Variants in ERBB2 observed in about 807,000 individuals in gnomAD.
The protein encoded by ERBB2 is erb-b2 receptor tyrosine kinase 2, also known as receptor tyrosine-protein kinase erbB-2.
In ERBB2, 61 loss-of-function variants were observed where a neutral mutation model predicts 149.0. That is an observed-to-expected ratio of 0.41 (90% confidence interval 0.33 to 0.51). The LOEUF (loss-of-function observed/expected upper bound fraction) is 0.51. Ranked by LOEUF, ERBB2 falls within the 20% of genes least tolerant of loss-of-function variation. The pLI, the probability that ERBB2 is intolerant of heterozygous loss-of-function variation, is 0.25. For synonymous variants in ERBB2, 633 were observed against 678.8 expected, an observed-to-expected ratio of 0.93 and a Z score of 1.05; for missense variants, 1,205 against 1,655.1, an observed-to-expected ratio of 0.73 and a Z score of 4.72.
At chr17:39,699,914 G>T, upstream of ERBB2, 1 of 917,944 alleles carries the variant, frequency 1.1e-6, no homozygotes, top group Non-Finnish European at 1.4e-6. Flanking sequence ...GGGAGAAAGT[G>T]AAGCTGGGAG....
Position 39,716,618 on chromosome 17 carries a change from C to T in ERBB2, c.1737+13C>T, listed in dbSNP as rs376633835. On this transcript the variant is annotated intron_variant, in intron 14 of 26. Transcript: ENST00000269571. The stretch of plus-strand genomic sequence containing the variant: ...CTGTTTTGGACCGGTGAGCTGCTGG[C>T]GGGCTCAGAGCTGGGTGGAGGGGGG... 13 of 1,612,446 alleles carry T rather than the reference C, an allele frequency of 8.1e-6. No individual in the cohort carries two copies. The African/African-American group carries it at 1.1e-4, about 13-fold the overall frequency.
rs769775277 is a variant in ERBB2 at position 39,708,456 on chromosome 17, G to A, written c.361G>A (p.Asp121Asn). The A allele has an allele frequency of 6.2e-7, 1 of 1,614,172 alleles. No homozygotes were observed. Among genetic ancestry groups the A allele is most frequent in the South Asian group, 1.1e-5 (1 of 91,078 alleles). Residue 121 changes from aspartate to asparagine, a missense_variant, in exon 3 of 27, where the codon GAC (aspartate) becomes AAC (asparagine). Asp to Asn is a conservative substitution (Grantham distance 23, BLOSUM62 1). Around this residue, in one of 6 missense-constraint regions of ERBB2, gnomAD observed 569 missense variants for 803.5 expected, o/e 0.71. Coordinates refer to ENST00000269571, the MANE Select transcript of ERBB2 (RefSeq NM_004448.4). Reference sequence around the variant, plus strand: ...TGCCCTGGCCGTGCTAGACAATGGAGACCCGCTGAACAATACCACCCCTGT... The same window carrying A: ...TGCCCTGGCCGTGCTAGACAATGGAAACCCGCTGAACAATACCACCCCTGT... ...NYALAVLDNG[D>N]PLNNTTPVTG...
chr17:39,723,316 C>T lies in ERBB2; in HGVS notation c.1947-3C>T. The T allele has an allele frequency of 1.9e-6, 3 of 1,613,948 alleles. No homozygotes were observed. The highest frequency in any genetic ancestry group is 1.7e-6 in the Non-Finnish European group (2 of 1,179,864). On this transcript the variant is annotated splice_polypyrimidine_tract_variant and splice_region_variant and intron_variant, in intron 16 of 26. Transcript: ENST00000269571. The surrounding 1 kb of genome is among the most constrained non-coding windows in gnomAD (Gnocchi z 6.2). Reference sequence around the variant, plus strand: ...AATCCCTGACCCTGGCTTCCGCCCCCAGCCCTCTGACGTCCATCATCTCTG... The same window carrying T: ...AATCCCTGACCCTGGCTTCCGCCCCTAGCCCTCTGACGTCCATCATCTCTG...
rs1455820265 is a variant in ERBB2 at position 39,726,852 on chromosome 17, C to G, written c.3008C>G (p.Thr1003Ser). 15 of 1,613,432 alleles carry G rather than the reference C, an allele frequency of 9.3e-6. No individual in the cohort carries two copies. The highest frequency in any genetic ancestry group is 1.2e-5 in the Non-Finnish European group (14 of 1,179,602). ...GGCCCAGCCAGTCCCTTGGACAGCACCTTCTACCGCTCACTGCTGGAGGAC... is the reference window on the plus strand; with the variant it reads ...GGCCCAGCCAGTCCCTTGGACAGCAGCTTCTACCGCTCACTGCTGGAGGAC... ...DLGPASPLDS[T>S]FYRSLLEDDD... The change falls in exon 25 of 27, where the codon ACC (threonine) becomes AGC (serine). Residue 1003 changes from threonine (T) to serine (S), a missense_variant. Coordinates refer to ENST00000269571, the MANE Select transcript of ERBB2 (RefSeq NM_004448.4). The surrounding 1 kb of genome is among the most constrained non-coding windows in gnomAD (Gnocchi z 5.1).
intron 19 of ERBB2, among the ~76,000 whole-genome samples, chr17:39,724,272 A>ATTTTTTTTTTTTTTTTTTTTTGTTTT (rs71149796): frequency 1.3e-5 from 1 of 77,016 alleles, no homozygotes; most frequent in Non-Finnish European, 2.7e-5. Context: ...GCGCCCGCTA[A>ATTTTTTTTTTTTTTTTTTTTTGTTTT]TTTTTTTTTT....
rs2145682231 is a variant in ERBB2, at chr17:39,716,451, G to A, written c.1646+18G>A. 1 of 1,612,874 alleles carries A rather than the reference G, an allele frequency of 6.2e-7. No individual in the cohort carries two copies. The highest frequency in any genetic ancestry group is 8.5e-7 in the Non-Finnish European group (1 of 1,179,056). On this transcript the variant is annotated intron_variant, in intron 13 of 26. Transcript: ENST00000269571. Reference sequence around the variant, plus strand: ...CTGCAGGGGTATGAGGGGCGGAGGAGAGGGTGGCTGGAGGGGTGCATGGGG... The same window carrying A: ...CTGCAGGGGTATGAGGGGCGGAGGAAAGGGTGGCTGGAGGGGTGCATGGGG...
At chr17:39,694,306 T>TATAG (rs2057808997), upstream of ERBB2, among the ~76,000 whole-genome samples, 2 of 119,976 alleles carry the variant, frequency 1.7e-5, 1 homozygote, top group Non-Finnish European at 3.5e-5. Context: ...TATATGTGTA[T>TATAG]ATATATATAC....
At chr17:39,712,213 C>T (rs772617943) in intron 8 of ERBB2, 109 bp from the exon 9 acceptor site, 1 of 1,530,630 alleles carries the variant, frequency 6.5e-7, no homozygotes, top group Non-Finnish European at 9.0e-7. Context: ...GTCCCTATAT[C>T]CCCTGTCAGT....
chr17:39,711,819 AT>A, intron 7 of ERBB2, 108 bp from the exon 8 acceptor site: 1 of 1,323,406 alleles, frequency 7.6e-7, no homozygotes, highest in South Asian at 1.3e-5. Flanking sequence ...GTGGTAGGGC[AT>A]TTAAGTATTG....
At chr17:39,693,624 G>A (rs1251628995), upstream of ERBB2, among the ~76,000 whole-genome samples, 1 of 151,944 alleles carries the variant, frequency 6.6e-6, no homozygotes, top group Non-Finnish European at 1.5e-5. Flanking sequence ...CAGGCATGGT[G>A]GTGCGCTTCT....
In ERBB2 at chr17:39,717,650, C is replaced by A. The variant is rs183731125; in HGVS notation, c.1898+170C>A. On this transcript the variant is annotated intron_variant, in intron 15 of 26. Transcript: ENST00000269571. Reference sequence around the variant, plus strand: ...TTAAAACATGAAATATAAATTAATGCCCTAGCAGTTCTATCCCCACTGTTA... The same window carrying A: ...TTAAAACATGAAATATAAATTAATGACCTAGCAGTTCTATCCCCACTGTTA... The A allele has an allele frequency of 1.2e-5, 7 of 571,102 alleles. No homozygotes were observed. The African/African-American group carries it at 1.3e-4, about 11-fold the overall frequency. The allele number at this position is 571,102 out of a possible 1,614,324, so 35.4% of individuals were successfully genotyped here. A position where few individuals can be genotyped will look rare whatever the true frequency, so the allele number is the denominator to read the frequency against.
intron 2 of ERBB2, 149 bp downstream of exon 2, chr17:39,707,290 C>T: frequency 1.6e-6 from 1 of 643,458 alleles, no homozygotes; most frequent in East Asian, 3.4e-5. Flanking sequence ...AACATCTAAC[C>T]CCCATTCATT....
chr17:39,718,253 T>G (rs1357409385), intron 15 of ERBB2, among the ~76,000 whole-genome samples: 3 of 152,244 alleles, frequency 2.0e-5, no homozygotes, highest in Non-Finnish European at 4.4e-5. Flanking sequence ...TCTTATTTAG[T>G]TGTCTTTACA....
chr17:39,717,457 T>C lies in ERBB2; in HGVS notation c.1875T>C (p.Pro625=), dbSNP rs765900638. Residue 625 remains proline (P), a synonymous_variant, in exon 15 of 27, where the codon CCT becomes CCC. Transcript: ENST00000269571. The part of the protein sequence containing the change: ...KFPDEEGACQ[P]CPINCTHSCV... Reference sequence around the variant, plus strand: ...CAGATGAGGAGGGCGCATGCCAGCCTTGCCCCATCAACTGCACCCACTCGT... The same window carrying C: ...CAGATGAGGAGGGCGCATGCCAGCCCTGCCCCATCAACTGCACCCACTCGT... 16 of 1,613,088 alleles carry C rather than the reference T, an allele frequency of 9.9e-6. No homozygotes were observed. The East Asian group carries it at 3.3e-4, about 34-fold the overall frequency.
At chr17:39,701,084 C>T (rs2058080457) in intron 1 of ERBB2, among the ~76,000 whole-genome samples, 1 of 151,886 alleles carries the variant, frequency 6.6e-6, no homozygotes, top group Non-Finnish European at 1.5e-5. Context: ...GAAATAAGGC[C>T]AGATGGGAGC....
chr17:39,692,647 C>T (rs1442074334), upstream of ERBB2, among the ~76,000 whole-genome samples: 3 of 151,988 alleles, frequency 2.0e-5, no homozygotes, highest in Non-Finnish European at 4.4e-5. Context: ...TCAGGTGATC[C>T]GTCCGCCTCA....
chr17:39,710,231 C>G (rs1243823987), intron 6 of ERBB2, 30 bp downstream of exon 6: 25 of 1,609,126 alleles, frequency 1.6e-5, no homozygotes, highest in Non-Finnish European at 2.0e-5. Context: ...GCCCAATGTG[C>G]TCTACCCCCC....
rs765731791 is a variant in ERBB2, at chr17:39,709,313, C to T, written c.440-5C>T. On this transcript the variant is annotated splice_polypyrimidine_tract_variant and splice_region_variant and intron_variant, in intron 3 of 26. Transcript: ENST00000269571. ...AGGGTCCTCTGATCATTGCTCACCC[C>T]ACAGAGATCTTGAAAGGAGGGGTCT... 1.9e-6 allele frequency: 3 copies of T among 1,614,032 alleles called. No individual in the cohort carries two copies. Among genetic ancestry groups the T allele is most frequent in the East Asian group, 2.2e-5 (1 of 44,896 alleles).
At chr17:39,709,290 G>C (rs765791873) in intron 3 of ERBB2, 28 bp from the exon 4 acceptor site, 13 of 1,613,428 alleles carry the variant, frequency 8.1e-6, no homozygotes, top group South Asian at 5.5e-5. Flanking sequence ...AAGGGGAAAG[G>C]GTCCTCTGAT....
Sources: allele counts gnomAD v4.1 joint callset (sites outside exome capture counted in the v4.1 genomes callset), GRCh38; gene constraint gnomAD v4.1.1; regional missense constraint gnomAD v4.1.1; non-coding constraint Gnocchi (gnomAD v3.1); transcripts MANE v1.5; gene names NCBI Gene and HGNC (gene_info 2026-07-23, HGNC 2026-07-21).